RPA1: variants seen among roughly 807,000 people sequenced by gnomAD.
The protein encoded by RPA1 is replication protein A1.
In RPA1, 49 loss-of-function variants were observed where a neutral mutation model predicts 83.0. The observed-to-expected ratio is 0.59, with a 90% CI of 0.47 to 0.75. The LOEUF (loss-of-function observed/expected upper bound fraction) is 0.75, where lower values mean the gene tolerates loss of function less well. Among genes scored for constraint, RPA1 ranks in the 30% least tolerant of loss-of-function variants. RPA1 has a pLI of 0.00. For missense variants in RPA1, 693 were observed against 776.1 expected (o/e 0.89, Z 1.27); for synonymous variants, 279 against 281.8 (o/e 0.99, Z 0.10).
intron 5 of RPA1, among the ~76,000 whole-genome samples, chr17:1,870,402 G>GA (rs1227442721): frequency 2.0e-5 from 3 of 151,996 alleles, no homozygotes. Flanking sequence ...GTTAAAATGT[G>GA]AAAAAAATGT....
At chr17:1,895,354 A>T (rs9890662) in intron 16 of RPA1, among the ~76,000 whole-genome samples, 30,364 of 148,906 alleles carry the variant, frequency 0.2, 3,151 homozygotes, top group South Asian at 0.28. Context: ...TTTTATTTTT[A>T]TTTTTTTTCA....
intron 6 of RPA1, among the ~76,000 whole-genome samples, chr17:1,873,557 T>C (rs1457172687): frequency 2.6e-5 from 4 of 152,190 alleles, no homozygotes; most frequent in African/African-American, 9.6e-5. Flanking sequence ...TCTGTGAAAC[T>C]CTCAGGACTT....
Position 1,877,301 on chromosome 17 carries a change from T to G in RPA1, c.677T>G (p.Leu226Arg). The change falls in exon 8 of 17, where the codon CTG becomes CGG. Residue 226 changes from leucine (L) to arginine (R), a missense_variant. Coordinates refer to ENST00000254719, the MANE Select transcript of RPA1 (RefSeq NM_002945.5). ...RGEGKLFSLELVDESGEIRAT... is the reference protein window; with the variant it reads ...RGEGKLFSLERVDESGEIRAT... Reference sequence around the variant, plus strand: ...GAAGGGAAGCTTTTCTCCCTAGAACTGGTTGACGAAAGTGTGAGTGTTTGT... The same window carrying G: ...GAAGGGAAGCTTTTCTCCCTAGAACGGGTTGACGAAAGTGTGAGTGTTTGT... 1 of 1,614,032 alleles carries G rather than the reference T, an allele frequency of 6.2e-7. No individual in the cohort carries two copies. Among genetic ancestry groups the G allele is most frequent in the Non-Finnish European group, 8.5e-7 (1 of 1,179,992 alleles).
At chr17:1,866,305 A>G (rs1326650320) in intron 5 of RPA1, among the ~76,000 whole-genome samples, 1 of 137,784 alleles carries the variant, frequency 7.3e-6, no homozygotes, top group Non-Finnish European at 1.7e-5. Flanking sequence ...ATATGCTTAG[A>G]GATCTTTTTT....
At chr17:1,848,792 C>G (rs974182926) in intron 4 of RPA1, among the ~76,000 whole-genome samples, 17 of 151,976 alleles carry the variant, frequency 1.1e-4, no homozygotes, top group African/African-American at 3.4e-4. Context: ...CCTTAAACTC[C>G]TGACCTTGTG....
rs146197846 is a variant in RPA1, at chr17:1,856,560, C to T, written c.361+3371C>T. On this transcript the variant is annotated intron_variant, in intron 5 of 16. Coordinates refer to ENST00000254719, the MANE Select transcript of RPA1 (RefSeq NM_002945.5). ...GTTGCAGTGAGCTGAGATCATGCCA[C>T]GGGCACTCCAGCTGGGCCGACAGAA... Among the ~76,000 whole-genome samples, 1,083 of 152,144 alleles carry T rather than the reference C, an allele frequency of 7.1e-3. 37 individuals are homozygous for T. Among genetic ancestry groups the T allele is most frequent in the Admixed American group, 0.064 (982 of 15,266 alleles).
rs769367140 is a variant in RPA1 at position 1,891,856 on chromosome 17, G to T, written c.1575G>T (p.Glu525Asp). 2 of 1,601,524 alleles carry T rather than the reference G, an allele frequency of 1.2e-6. No individual in the cohort carries two copies. The highest frequency in any genetic ancestry group is 1.7e-6 in the Non-Finnish European group (2 of 1,170,400). Reference protein sequence around the residue: ...ILSVNIADFQENQWVTCFQES... With the variant: ...ILSVNIADFQDNQWVTCFQES... ...AGGTAAATATTGCAGATTTTCAAGA[G>T]AATCAGTGGGTGACTTGTTTCCAGG... Residue 525 changes from glutamate (E) to aspartate (D), a missense_variant, in exon 15 of 17, where the codon GAG (glutamate) becomes GAT (aspartate). By Grantham distance (45) the Glu-to-Asp change is conservative (BLOSUM62 2). Coordinates refer to ENST00000254719, the MANE Select transcript of RPA1 (RefSeq NM_002945.5).
In RPA1 at chr17:1,899,351, A is replaced by G. The variant is rs970360274; in HGVS notation, c.*2176A>G. ...TTTCTCCTCTTTCACTTAGAGATCAATGTTGATTTTGCGTACACCATGACA... is the reference window on the plus strand; with the variant it reads ...TTTCTCCTCTTTCACTTAGAGATCAGTGTTGATTTTGCGTACACCATGACA... On this transcript the variant is annotated 3_prime_UTR_variant, in exon 17 of 17. Coordinates refer to ENST00000254719, the MANE Select transcript of RPA1 (RefSeq NM_002945.5). The G allele has an allele frequency of 1.3e-5, 2 of 152,500 alleles. No homozygotes were observed. Among genetic ancestry groups the G allele is most frequent in the African/African-American group, 2.4e-5 (1 of 41,438 alleles). 9.4% of individuals were successfully genotyped at this position (152,500 alleles called of 1,614,324 possible). A position where few individuals can be genotyped will look rare whatever the true frequency, so the allele number is the denominator to read the frequency against.
intron 1 of RPA1, 74 bp downstream of exon 1, chr17:1,830,200 GAGGGGAGCCCGGGGCGAC>G: frequency 8.6e-7 from 1 of 1,162,172 alleles, no homozygotes. Flanking sequence ...TAGAGAGGGG[GAGGGGAGCCCGGGGCGAC>G]GGGGGATGAA....
chr17:1,882,534 G>A (rs909937944), intron 12 of RPA1, among the ~76,000 whole-genome samples: 1 of 151,888 alleles, frequency 6.6e-6, no homozygotes, highest in Non-Finnish European at 1.5e-5. Context: ...CCAGCTACTC[G>A]GTGCGTGCCT....
chr17:1,863,342 G>A (rs1435786786), intron 5 of RPA1, among the ~76,000 whole-genome samples: 3 of 151,908 alleles, frequency 2.0e-5, no homozygotes, highest in Non-Finnish European at 4.4e-5. Context: ...CTCCCGAGTA[G>A]CTGGGATTAC....
intron 16 of RPA1, among the ~76,000 whole-genome samples, chr17:1,896,760 G>A (rs926499015): frequency 1.3e-5 from 2 of 152,210 alleles, no homozygotes; most frequent in Non-Finnish European, 2.9e-5. Flanking sequence ...TCTCTGGGCT[G>A]TATCCCCTGC....
intron 15 of RPA1, among the ~76,000 whole-genome samples, chr17:1,894,153 G>A (rs1000149838): frequency 2.7e-5 from 4 of 149,652 alleles, no homozygotes; most frequent in East Asian, 2.0e-4. Context: ...ATAGTCACGC[G>A]CCACCATACC....
At chr17:1,838,811 C>A (rs1051012851) in intron 1 of RPA1, among the ~76,000 whole-genome samples, 1 of 151,954 alleles carries the variant, frequency 6.6e-6, no homozygotes. Flanking sequence ...AAACACTATC[C>A]CATTTCATTG....
chr17:1,895,665 A>ATTTATTTG, intron 16 of RPA1, among the ~76,000 whole-genome samples: 1 of 120,108 alleles, frequency 8.3e-6, no homozygotes, highest in Non-Finnish European at 1.7e-5. Flanking sequence ...TATAGTATTT[A>ATTTATTTG]TTTATTTATT....
chr17:1,844,573 T>G lies in RPA1; in HGVS notation c.164-5T>G. 6.2e-7 allele frequency: 1 copy of G among 1,611,510 alleles called. No homozygotes were observed. The highest frequency in any genetic ancestry group is 8.5e-7 in the Non-Finnish European group (1 of 1,178,602). Reference sequence around the variant, plus strand: ...GGAGGCTAAAGAAATCTCTGTGGTTTTCAGCTTTCATGTTGGCGACACAGT... The same window carrying G: ...GGAGGCTAAAGAAATCTCTGTGGTTGTCAGCTTTCATGTTGGCGACACAGT... On this transcript the variant is annotated splice_region_variant and splice_polypyrimidine_tract_variant and intron_variant, in intron 3 of 16. Transcript: ENST00000254719.
intron 16 of RPA1, 103 bp from the exon 17 acceptor site, chr17:1,896,968 C>T: frequency 1.1e-6 from 1 of 905,386 alleles, no homozygotes; most frequent in Non-Finnish European, 1.8e-6. Context: ...ACCCGTGCGT[C>T]TGTTCCCTCC....
Position 1,877,310 on chromosome 17 carries a change from A to G in RPA1, c.686A>G (p.Glu229Gly), listed in dbSNP as rs770232450. 3 of 1,613,952 alleles carry G rather than the reference A, an allele frequency of 1.9e-6. No individual in the cohort carries two copies. The South Asian group carries it at 3.3e-5, about 18-fold the overall frequency. Reference sequence around the variant, plus strand: ...CTTTTCTCCCTAGAACTGGTTGACGAAAGTGTGAGTGTTTGTCATGCTGGG... The same window carrying G: ...CTTTTCTCCCTAGAACTGGTTGACGGAAGTGTGAGTGTTTGTCATGCTGGG... Reference protein sequence around the residue: ...GKLFSLELVDESGEIRATAFN... With the variant: ...GKLFSLELVDGSGEIRATAFN... Residue 229 changes from glutamate to glycine, a missense_variant, in exon 8 of 17, where the codon GAA becomes GGA. Coordinates refer to ENST00000254719, the MANE Select transcript of RPA1 (RefSeq NM_002945.5).
chr17:1,895,904 G>A (rs897983471), intron 16 of RPA1, among the ~76,000 whole-genome samples: 3 of 151,904 alleles, frequency 2.0e-5, no homozygotes, highest in South Asian at 2.1e-4. Flanking sequence ...GGCTGGTCTC[G>A]AACTCCTGAC....
Sources: allele counts gnomAD v4.1 joint callset (sites outside exome capture counted in the v4.1 genomes callset), GRCh38; gene constraint gnomAD v4.1.1; transcripts MANE v1.5; gene names NCBI Gene and HGNC (gene_info 2026-07-23, HGNC 2026-07-21).